The following TGFBR3 variants were observed in gnomAD, a reference collection of about 807,000 sequenced individuals.
TGFBR3 encodes transforming growth factor beta receptor 3, also known as transforming growth factor beta receptor type 3.
In TGFBR3, 46 loss-of-function variants were observed where a neutral mutation model predicts 87.9. The ratio of observed to expected loss-of-function variants is 0.52; its 90% CI spans 0.41 to 0.67. The LOEUF is 0.67. Among genes scored for constraint, TGFBR3 ranks in the 30% least tolerant of loss-of-function variants. TGFBR3 has a pLI of 0.00. For synonymous variants in TGFBR3, 381 were observed against 391.6 expected (o/e 0.97, Z 0.32); for missense variants, 866 against 1,041.9 (o/e 0.83, Z 2.32).
intron 2 of TGFBR3, among the ~76,000 whole-genome samples, chr1:91,856,074 GT>G (rs1557746953): frequency 6.6e-6 from 1 of 151,870 alleles, no homozygotes; most frequent in Non-Finnish European, 1.5e-5. Flanking sequence ...TGAGTTTTTT[GT>G]TTTTTGAGAC....
At chr1:91,865,356 G>C (rs971708110) in intron 1 of TGFBR3, among the ~76,000 whole-genome samples, 4 of 148,238 alleles carry the variant, frequency 2.7e-5, no homozygotes, top group Admixed American at 6.8e-5. Context: ...TGAGTTAATG[G>C]TTTCAGCAAA....
intron 4 of TGFBR3, among the ~76,000 whole-genome samples, chr1:91,756,920 G>A (rs1673766998): frequency 6.6e-6 from 1 of 152,050 alleles, no homozygotes; most frequent in Non-Finnish European, 1.5e-5. Flanking sequence ...AGAGTATTAA[G>A]TATGTTTCCT....
In TGFBR3 at chr1:91,812,946, G is replaced by C. The variant is rs559133785; in HGVS notation, c.62-15475C>G. On this transcript the variant is annotated intron_variant, in intron 2 of 16. Transcript: ENST00000212355. Reference sequence around the variant, plus strand: ...AGTTTTGCCTATACTTTTCATACTTGTGGGTTTTTTTCCAGTTCTGGCTGC... The same window carrying C: ...AGTTTTGCCTATACTTTTCATACTTCTGGGTTTTTTTCCAGTTCTGGCTGC... Among the ~76,000 whole-genome samples the C allele has an allele frequency of 3.9e-5, 6 of 152,222 alleles. No individual in the cohort carries two copies. The South Asian group carries it at 1.2e-3, about 32-fold the overall frequency.
chr1:91,828,938 T>C (rs1407166014), intron 2 of TGFBR3, among the ~76,000 whole-genome samples: 1 of 152,130 alleles, frequency 6.6e-6, no homozygotes, highest in Non-Finnish European at 1.5e-5. Context: ...GACTTATACG[T>C]ACGTGAAGGA....
intron 1 of TGFBR3, among the ~76,000 whole-genome samples, chr1:91,879,801 A>G (rs1462150643): frequency 6.6e-6 from 1 of 152,190 alleles, no homozygotes; most frequent in Non-Finnish European, 1.5e-5. Flanking sequence ...GCTATTTCAA[A>G]AGATATAAAA....
intron 2 of TGFBR3, among the ~76,000 whole-genome samples, chr1:91,809,159 C>G (rs1161710094): frequency 1.3e-5 from 2 of 152,166 alleles, no homozygotes; most frequent in Non-Finnish European, 2.9e-5. Flanking sequence ...AAAGCTACAC[C>G]TCATTAACCC....
chr1:91,892,624 T>C (rs908304519), intron 2 of TGFBR3, among the ~76,000 whole-genome samples: 2 of 152,198 alleles, frequency 1.3e-5, no homozygotes, highest in South Asian at 2.1e-4. Flanking sequence ...CCCTGAACCC[T>C]CTCTGTTCAG....
chr1:91,832,506 A>G (rs1417642364), intron 2 of TGFBR3, among the ~76,000 whole-genome samples: 1 of 152,160 alleles, frequency 6.6e-6, no homozygotes, highest in Non-Finnish European at 1.5e-5. Context: ...CCTCACAACA[A>G]CCTTGAGATA....
At chr1:91,792,667 T>G (rs1287668057) in intron 3 of TGFBR3, among the ~76,000 whole-genome samples, 3 of 152,192 alleles carry the variant, frequency 2.0e-5, no homozygotes, top group African/African-American at 4.8e-5. Context: ...AAGCCTCTAA[T>G]GGTGCTGTAA....
chr1:91,780,645 T>C (rs1674727655), intron 3 of TGFBR3, among the ~76,000 whole-genome samples: 1 of 140,842 alleles, frequency 7.1e-6, no homozygotes, highest in Non-Finnish European at 1.5e-5. Context: ...CTGCAACCTC[T>C]GCCTCCCGGG....
At chr1:91,771,591 A>G (rs2100933612) in intron 3 of TGFBR3, among the ~76,000 whole-genome samples, 1 of 151,880 alleles carries the variant, frequency 6.6e-6, no homozygotes, top group East Asian at 2.0e-4. Context: ...CTGTAGTCCC[A>G]GCTACTCAGG....
At position 91,683,645 on chromosome 1, in the gene TGFBR3, G is replaced by A. The variant is rs940987648; in HGVS notation, c.*94C>T. ...AGGGAACCAAAATCCAGCCCTCTGA[G>A]TCTGGACACGAGGCTCAGCCATTGG... On this transcript the variant is annotated 3_prime_UTR_variant, in exon 17 of 17. Coordinates refer to ENST00000212355, the MANE Select transcript of TGFBR3 (RefSeq NM_003243.5). 1.2e-5 allele frequency: 13 copies of A among 1,042,198 alleles called. No individual in the cohort carries two copies. In the African/African-American group the frequency reaches 1.7e-4, roughly 14 times the overall value. 64.6% of individuals were successfully genotyped at this position (1,042,198 alleles called of 1,614,324 possible).
Position 91,710,953 on chromosome 1 carries a change from AC to A in TGFBR3, c.2166+1289del, listed in dbSNP as rs369658742. ...ACGATTAATTTTCCCAGATTAACAC[AC>A]ATGAAGCTGGGCTGTTCCAGGCCAG... On this transcript the variant is annotated intron_variant, in intron 13 of 16. Transcript: ENST00000212355. 8.5e-5 allele frequency among the ~76,000 whole-genome samples: 13 copies of A among 152,312 alleles called. No homozygotes were observed. The East Asian group carries it at 2.5e-3, about 29-fold the overall frequency.
intron 2 of TGFBR3, among the ~76,000 whole-genome samples, chr1:91,830,280 A>C (rs1047757532): frequency 1.3e-5 from 2 of 152,176 alleles, no homozygotes; most frequent in African/African-American, 4.8e-5. Flanking sequence ...GTGAAGAGGG[A>C]TACAGGCAAT....
intron 7 of TGFBR3, among the ~76,000 whole-genome samples, chr1:91,725,713 G>A (rs139789384): frequency 6.6e-5 from 10 of 152,336 alleles, no homozygotes; most frequent in East Asian, 1.9e-4. Context: ...AACAGACTCC[G>A]TGTTCATCAG....
At chr1:91,718,118 A>C (rs6680210) in intron 10 of TGFBR3, among the ~76,000 whole-genome samples, 95 of 152,238 alleles carry the variant, frequency 6.2e-4, no homozygotes, top group African/African-American at 2.3e-3. Context: ...TGTCTAGGAA[A>C]GATTAGTGGA....
intron 14 of TGFBR3, among the ~76,000 whole-genome samples, chr1:91,706,219 G>A (rs761280270): frequency 6.6e-5 from 10 of 152,150 alleles, no homozygotes; most frequent in Admixed American, 1.3e-4. Flanking sequence ...AAATGAGGCC[G>A]AGGCCTATTG....
At chr1:91,688,755 C>T (rs1671177255) in intron 16 of TGFBR3, among the ~76,000 whole-genome samples, 5 of 152,076 alleles carry the variant, frequency 3.3e-5, no homozygotes, top group Admixed American at 3.3e-4. Context: ...AGCGCATACC[C>T]AAAAGTCCAC....
intron 1 of TGFBR3, among the ~76,000 whole-genome samples, chr1:91,905,220 C>T (rs1363935642): frequency 6.6e-6 from 1 of 152,192 alleles, no homozygotes; most frequent in Non-Finnish European, 1.5e-5. Context: ...GTTGAATCCA[C>T]ACTGACACTC....
Sources: gnomAD v4.1 joint callset for allele counts (sites outside exome capture counted in the v4.1 genomes callset) on GRCh38, gnomAD v4.1.1 for gene constraint, MANE v1.5 for transcripts, NCBI Gene and HGNC (gene_info 2026-07-23, HGNC 2026-07-21) for gene names.